CASP6: variants seen among roughly 807,000 people sequenced by gnomAD.
CASP6 encodes the protein caspase 6, also known as caspase-6.
CASP6 carries 20 observed loss-of-function variants against 31.8 expected under a neutral mutation model. The observed-to-expected ratio is 0.63, with a 90% CI of 0.44 to 0.91. The LOEUF is 0.91. Among genes scored for constraint, CASP6 ranks in the 40% least tolerant of loss-of-function variants. CASP6 has a pLI of 0.00. For synonymous variants in CASP6, 130 were observed against 127.8 expected (o/e 1.02, Z -0.12); for missense variants, 328 against 361.1 (o/e 0.91, Z 0.74).
the CASP6 span, among the ~76,000 whole-genome samples, chr4:109,681,936 C>T: frequency 6.6e-6 from 1 of 152,206 alleles, no homozygotes. Flanking sequence ...GGAGGGGACC[C>T]AAAGGGGGTT....
chr4:109,691,768 G>A (rs903483832), intron 5 of CASP6, among the ~76,000 whole-genome samples: 2 of 152,214 alleles, frequency 1.3e-5, no homozygotes, highest in East Asian at 1.9e-4. Flanking sequence ...GAGGTCATAC[G>A]GGTGAAACCA....
Position 109,702,288 on chromosome 4 carries a change from TAAAC to T in CASP6, c.40+1064_40+1067del, listed in dbSNP as rs757730539. On this transcript the variant is annotated intron_variant, in intron 1 of 6. Coordinates refer to ENST00000265164, the MANE Select transcript of CASP6 (RefSeq NM_001226.4). ...TGTGCAGCAAAATATAAAGAGTTCT[TAAAC>T]AAAGGCACTCTAACCAACTGCAGGC... Among the ~76,000 whole-genome samples the T allele has an allele frequency of 7.2e-4, 109 of 152,284 alleles. 1 individual carries two copies. Among genetic ancestry groups the T allele is most frequent in the Admixed American group, 3.2e-3 (49 of 15,294 alleles).
At chr4:109,686,475 C>A (rs1178786521), downstream of CASP6, among the ~76,000 whole-genome samples, 1 of 152,136 alleles carries the variant, frequency 6.6e-6, no homozygotes, top group Non-Finnish European at 1.5e-5. Flanking sequence ...TTCATATAGT[C>A]ATTCTATAGG....
At chr4:109,696,257 G>A (rs1182127402) in intron 4 of CASP6, among the ~76,000 whole-genome samples, 153 bp downstream of exon 4, 2 of 152,136 alleles carry the variant, frequency 1.3e-5, no homozygotes, top group East Asian at 1.9e-4. Context: ...GCTGGGTAAC[G>A]GAAACACAGC....
chr4:109,664,961 T>A, the CASP6 span, among the ~76,000 whole-genome samples: 3 of 152,140 alleles, frequency 2.0e-5, no homozygotes, highest in African/African-American at 7.2e-5. Context: ...AAAAATTGTA[T>A]TATTTAAAGC....
At chr4:109,669,251 C>A in the CASP6 span, among the ~76,000 whole-genome samples, 1 of 152,024 alleles carries the variant, frequency 6.6e-6, no homozygotes, top group Non-Finnish European at 1.5e-5. Flanking sequence ...TTGAAAATAT[C>A]TTTGTTTCTC....
chr4:109,679,570 C>T, the CASP6 span, among the ~76,000 whole-genome samples: 13 of 152,136 alleles, frequency 8.5e-5, no homozygotes, highest in Non-Finnish European at 1.3e-4. Context: ...TGCAGCGAGC[C>T]GAGATCATGG....
chr4:109,702,893 A>G (rs1413901113), intron 1 of CASP6: 1 of 155,546 alleles, frequency 6.4e-6, no homozygotes, highest in African/African-American at 2.4e-5. Context: ...CGGGCCTGTT[A>G]TGTTTTCATT....
the CASP6 span, among the ~76,000 whole-genome samples, chr4:109,668,704 T>C: frequency 1.3e-5 from 2 of 152,040 alleles, no homozygotes; most frequent in African/African-American, 4.8e-5. Context: ...CACTGTTTTT[T>C]TTTTTCCTGT....
upstream of CASP6, among the ~76,000 whole-genome samples, chr4:109,706,557 C>T (rs574738414): frequency 1.3e-5 from 2 of 152,100 alleles, no homozygotes; most frequent in Non-Finnish European, 2.9e-5. Context: ...GGGGATTGAC[C>T]CCAATTTTGA....
the CASP6 span, among the ~76,000 whole-genome samples, chr4:109,679,358 A>G: frequency 8.0e-4 from 122 of 152,320 alleles, no homozygotes; most frequent in Non-Finnish European, 1.5e-3. Flanking sequence ...CCTGGGCAAC[A>G]TTGAGCACTG....
At chr4:109,664,417 T>C in the CASP6 span, 1 of 856,754 alleles carries the variant, frequency 1.2e-6, no homozygotes. Flanking sequence ...GCTATCCAAC[T>C]ATTACTTTTT....
chr4:109,697,772 T>A lies in CASP6; in HGVS notation c.84-4A>T. On this transcript the variant is annotated splice_region_variant and splice_polypyrimidine_tract_variant and intron_variant, in intron 2 of 6. Coordinates refer to ENST00000265164, the MANE Select transcript of CASP6 (RefSeq NM_001226.4). ...TTCTGCCGGATCAAACATTTCTCTGTTAATGAAAAGTTGAAAAACAATCAC... is the reference window on the plus strand; with the variant it reads ...TTCTGCCGGATCAAACATTTCTCTGATAATGAAAAGTTGAAAAACAATCAC... 3.7e-6 allele frequency: 6 copies of A among 1,611,894 alleles called. No homozygotes were observed. The highest frequency in any genetic ancestry group is 5.1e-6 in the Non-Finnish European group (6 of 1,179,404).
In CASP6 at chr4:109,688,726, A is replaced by G. The variant is rs1186574078; in HGVS notation, c.*604T>C. The G allele has an allele frequency of 6.6e-6, 1 of 152,208 alleles. No homozygotes were observed. The highest frequency in any genetic ancestry group is 1.5e-5 in the Non-Finnish European group (1 of 68,042). The allele number at this position is 152,208 out of a possible 1,614,324, so 9.4% of individuals were successfully genotyped here. On this transcript the variant is annotated 3_prime_UTR_variant, in exon 7 of 7. Transcript: ENST00000265164. ...AACTTTTATAAAAAAGTGACAAAAT[A>G]CAAGTTAAATCAGCTAGATTTTTGT...
chr4:109,670,283 C>G, the CASP6 span, among the ~76,000 whole-genome samples: 1 of 152,206 alleles, frequency 6.6e-6, no homozygotes, highest in African/African-American at 2.4e-5. Context: ...CCCCACCCCC[C>G]ACCACCTTAG....
the CASP6 span, among the ~76,000 whole-genome samples, chr4:109,679,755 T>G: frequency 1.3e-5 from 2 of 152,220 alleles, no homozygotes; most frequent in Non-Finnish European, 2.9e-5. Context: ...AGCTTGCAAT[T>G]ATGAACTTTC....
chr4:109,702,323 G>T (rs920552387), intron 1 of CASP6, among the ~76,000 whole-genome samples: 2 of 150,878 alleles, frequency 1.3e-5, no homozygotes, highest in African/African-American at 4.9e-5. Context: ...CAGGCGTTTC[G>T]TTCTTTTTTT....
chr4:109,703,492 GCC>G, upstream of CASP6: 1 of 1,467,164 alleles, frequency 6.8e-7, no homozygotes, highest in Admixed American at 2.1e-5. Context: ...CGGCGGCCCC[GCC>G]CCCTGCCCCC....
the CASP6 span, among the ~76,000 whole-genome samples, chr4:109,664,954 AAT>A: frequency 8.7e-5 from 13 of 148,996 alleles, no homozygotes; most frequent in Admixed American, 4.7e-4. Context: ...AAAAAAAAAA[AAT>A]TGTATTATTT....
Sources: gnomAD v4.1 joint callset for allele counts (sites outside exome capture counted in the v4.1 genomes callset) on GRCh38, gnomAD v4.1.1 for gene constraint, MANE v1.5 for transcripts, NCBI Gene and HGNC (gene_info 2026-07-23, HGNC 2026-07-21) for gene names.